Variants in DMRT1 observed in about 807,000 individuals in gnomAD.
DMRT1 encodes the protein doublesex and mab-3 related transcription factor 1.
Under a neutral mutation model 32.3 loss-of-function variants are expected in DMRT1, and 7 were observed. That is an observed-to-expected ratio of 0.22 (90% CI 0.12 to 0.41). DMRT1 has a LOEUF of 0.41. Among genes scored for constraint, DMRT1 ranks in the 10% least tolerant of loss-of-function variants. The pLI, the probability that DMRT1 is intolerant of heterozygous loss-of-function variation, is 1.00. For missense variants in DMRT1, 625 were observed against 500.5 expected (o/e 1.25, Z -2.37); for synonymous variants, 278 against 206.1 (o/e 1.35, Z -2.99).
At chr9:930,909 G>C (rs188667988) in intron 4 of DMRT1, among the ~76,000 whole-genome samples, 5 of 152,228 alleles carry the variant, frequency 3.3e-5, no homozygotes, top group African/African-American at 1.2e-4. Context: ...CTTTTAAAAT[G>C]TATGATTCAT....
intron 2 of DMRT1, among the ~76,000 whole-genome samples, chr9:875,494 G>A (rs1182167757): frequency 6.6e-6 from 1 of 152,188 alleles, no homozygotes; most frequent in Admixed American, 6.5e-5. Context: ...AAGACCTTGT[G>A]AGGTAAAATT....
At chr9:845,650 G>A (rs1041889057) in intron 1 of DMRT1, among the ~76,000 whole-genome samples, 3 of 151,984 alleles carry the variant, frequency 2.0e-5, no homozygotes, top group African/African-American at 7.3e-5. Flanking sequence ...CTTCCTCCCT[G>A]CCTTCAGCCT....
chr9:896,285 C>CTTT (rs1195951813), intron 3 of DMRT1, among the ~76,000 whole-genome samples: 3 of 121,756 alleles, frequency 2.5e-5, no homozygotes, highest in Non-Finnish European at 5.4e-5. Flanking sequence ...CTTGTCTTTT[C>CTTT]TTTTTTTTTT....
intron 1 of DMRT1, 28 bp from the exon 2 acceptor site, chr9:846,932 A>C: frequency 6.2e-7 from 1 of 1,613,880 alleles, no homozygotes; most frequent in Non-Finnish European, 8.5e-7. Flanking sequence ...GGAGTGCTGG[A>C]GGATGACTCA....
At chr9:844,841 C>T (rs1354038365) in intron 1 of DMRT1, among the ~76,000 whole-genome samples, 2 of 151,772 alleles carry the variant, frequency 1.3e-5, no homozygotes, top group African/African-American at 2.4e-5. Flanking sequence ...CTGCCTCGGC[C>T]TCCCGAGTAG....
At chr9:966,036 C>T (rs1318687560) in intron 4 of DMRT1, among the ~76,000 whole-genome samples, 1 of 152,146 alleles carries the variant, frequency 6.6e-6, no homozygotes, top group Non-Finnish European at 1.5e-5. Flanking sequence ...CATTAACGCA[C>T]GGACTCCAGG....
chr9:947,882 C>G (rs544761469), intron 4 of DMRT1, among the ~76,000 whole-genome samples: 2 of 152,288 alleles, frequency 1.3e-5, no homozygotes, highest in Admixed American at 6.5e-5. Flanking sequence ...GAGCTGGATT[C>G]TATGTTAGCT....
chr9:871,579 G>A (rs1816261406), intron 2 of DMRT1, among the ~76,000 whole-genome samples: 1 of 136,504 alleles, frequency 7.3e-6, no homozygotes, highest in African/African-American at 2.9e-5. Flanking sequence ...CTGACCTCGT[G>A]ATCCGCCCGC....
chr9:926,810 A>G (rs1030255023), intron 4 of DMRT1, among the ~76,000 whole-genome samples: 13 of 152,328 alleles, frequency 8.5e-5, no homozygotes, highest in South Asian at 2.1e-4. Context: ...TCTGTTTTCA[A>G]TGCTGATGTT....
intron 3 of DMRT1, among the ~76,000 whole-genome samples, chr9:905,785 A>G (rs147206802): frequency 6.6e-6 from 1 of 152,076 alleles, no homozygotes; most frequent in Non-Finnish European, 1.5e-5. Flanking sequence ...CCGGGCTGTG[A>G]GCCTCCTTTT....
At position 935,380 on chromosome 9, in the gene DMRT1, A is replaced by G. The variant is rs138803156; in HGVS notation, c.967+18473A>G. Among the ~76,000 whole-genome samples the G allele has an allele frequency of 2.7e-4, 41 of 152,348 alleles. No individual in the cohort carries two copies. The East Asian group carries it at 5.0e-3, about 19-fold the overall frequency. On this transcript the variant is annotated intron_variant, in intron 4 of 4. Coordinates refer to ENST00000382276, the MANE Select transcript of DMRT1 (RefSeq NM_021951.3). ...TTGTCAATCACCTCTTAATGTTTAC[A>G]AAAGTGAAAAGTCAATGTGTAGTTG...
intron 3 of DMRT1, among the ~76,000 whole-genome samples, chr9:905,776 C>T (rs12553400): frequency 1.3e-5 from 2 of 151,770 alleles, no homozygotes; most frequent in East Asian, 1.9e-4. Flanking sequence ...ACAGCCTTTC[C>T]GGGCTGTGAG....
rs929230127 is a variant in DMRT1, at chr9:968,184, A to C, written c.*45A>C. 8.1e-6 allele frequency: 13 copies of C among 1,610,386 alleles called. No individual in the cohort carries two copies. The highest frequency in any genetic ancestry group is 1.7e-5 in the Admixed American group (1 of 59,904). On this transcript the variant is annotated 3_prime_UTR_variant, in exon 5 of 5. Transcript: ENST00000382276. ...GCGGTTCACTTGGAGTAACAGGCTTATTCCACTTTCCATGGGGTTTGTTAA... is the reference window on the plus strand; with the variant it reads ...GCGGTTCACTTGGAGTAACAGGCTTCTTCCACTTTCCATGGGGTTTGTTAA...
intron 3 of DMRT1, among the ~76,000 whole-genome samples, chr9:910,335 C>G (rs1817928702): frequency 6.6e-6 from 1 of 150,958 alleles, no homozygotes; most frequent in Non-Finnish European, 1.5e-5. Context: ...AAAAAAAAGA[C>G]TGTTCCCCTT....
Position 841,952 on chromosome 9 carries a change from A to G in DMRT1, c.114A>G (p.Leu38=). 1.3e-6 allele frequency: 2 copies of G among 1,598,456 alleles called. No individual in the cohort carries two copies. Among genetic ancestry groups the G allele is most frequent in the Non-Finnish European group, 1.7e-6 (2 of 1,173,158 alleles). The part of the protein sequence containing the change: ...AGGFGKASGA[L]VGAASGSSAG... ...GCTTTGGCAAAGCGTCTGGGGCGCTAGTGGGGGCGGCCAGCGGCTCGAGCG... is the reference window on the plus strand; with the variant it reads ...GCTTTGGCAAAGCGTCTGGGGCGCTGGTGGGGGCGGCCAGCGGCTCGAGCG... Residue 38 remains leucine, a synonymous_variant, in exon 1 of 5, where the codon CTA becomes CTG. Transcript: ENST00000382276.
intron 2 of DMRT1, among the ~76,000 whole-genome samples, chr9:847,500 T>C (rs1186404618): frequency 6.6e-6 from 1 of 152,206 alleles, no homozygotes; most frequent in Non-Finnish European, 1.5e-5. Context: ...GAAGTCCACT[T>C]CTCCACTGCA....
chr9:872,767 G>C (rs1816329263), intron 2 of DMRT1, among the ~76,000 whole-genome samples: 1 of 152,156 alleles, frequency 6.6e-6, no homozygotes, highest in Non-Finnish European at 1.5e-5. Context: ...GTAAATATAT[G>C]TATTCTCTTG....
chr9:934,810 A>T (rs1443878318), intron 4 of DMRT1, among the ~76,000 whole-genome samples: 1 of 152,192 alleles, frequency 6.6e-6, no homozygotes, highest in Non-Finnish European at 1.5e-5. Flanking sequence ...GAAAGTTTTG[A>T]CACTTTCGAT....
chr9:846,033 T>A (rs1041034044), intron 1 of DMRT1, among the ~76,000 whole-genome samples: 6 of 94,926 alleles, frequency 6.3e-5, no homozygotes, highest in Admixed American at 1.1e-4. Context: ...GTTTTTGCCT[T>A]TTTTTTTTTT....
Sources: allele counts gnomAD v4.1 joint callset (sites outside exome capture counted in the v4.1 genomes callset), GRCh38; gene constraint gnomAD v4.1.1; transcripts MANE v1.5; gene names NCBI Gene and HGNC (gene_info 2026-07-23, HGNC 2026-07-21).